DYNC1I1: variants seen among roughly 807,000 people sequenced by gnomAD.
The protein encoded by DYNC1I1 is cytoplasmic dynein 1 intermediate chain 1.
In DYNC1I1, 43 loss-of-function variants were observed where a neutral mutation model predicts 86.6. The ratio of observed to expected loss-of-function variants is 0.50; its 90% CI spans 0.39 to 0.64. The LOEUF (loss-of-function observed/expected upper bound fraction) is 0.64. Ranked by LOEUF, DYNC1I1 falls within the 30% of genes least tolerant of loss-of-function variation. The pLI is 0.00. For synonymous variants in DYNC1I1, 262 were observed against 283.7 expected (o/e 0.92, Z 0.77); for missense variants, 604 against 788.8 (o/e 0.77, Z 2.81).
intron 6 of DYNC1I1, among the ~76,000 whole-genome samples, chr7:95,939,285 T>C (rs1792135252): frequency 6.6e-6 from 1 of 152,170 alleles, no homozygotes; most frequent in Non-Finnish European, 1.5e-5. Context: ...TGATTTGGGG[T>C]GGAGAGTTCT....
intron 5 of DYNC1I1, among the ~76,000 whole-genome samples, chr7:95,833,378 T>A (rs1349480983): frequency 1.3e-5 from 2 of 150,416 alleles, no homozygotes; most frequent in Admixed American, 1.3e-4. Context: ...TGTAGCCTTG[T>A]AGTATAGTTT....
Position 95,984,834 on chromosome 7 carries a change from A to C in DYNC1I1, c.600A>C (p.Thr200=). 2 of 1,609,908 alleles carry C rather than the reference A, an allele frequency of 1.2e-6. No individual in the cohort carries two copies. The highest frequency in any genetic ancestry group is 1.7e-6 in the Non-Finnish European group (2 of 1,178,794). Residue 200 remains threonine (T), a synonymous_variant, in exon 8 of 17, where the codon ACA becomes ACC. Coordinates refer to ENST00000447467, the MANE Select transcript of DYNC1I1 (RefSeq NM_001135556.2). The stretch of plus-strand genomic sequence containing the variant: ...ATAAAGCCCCTCCAAGAGAGTTGAC[A>C]GAGGAAGAAAAACAGCAGATCCTTC... ...EVKEAPPREL[T]EEEKQQILHS...
intron 10 of DYNC1I1, among the ~76,000 whole-genome samples, chr7:96,000,902 C>T (rs574570862): frequency 1.2e-4 from 19 of 152,226 alleles, no homozygotes; most frequent in Non-Finnish European, 2.2e-4. Flanking sequence ...ATGGAGTATG[C>T]GAGGGACCAA....
intron 16 of DYNC1I1, among the ~76,000 whole-genome samples, chr7:96,081,215 AG>A (rs1371650361): frequency 6.6e-6 from 1 of 152,154 alleles, no homozygotes; most frequent in East Asian, 1.9e-4. Flanking sequence ...GTGATTAATT[AG>A]AATTTTGTGC....
At chr7:95,821,409 T>A (rs1795074352) in intron 4 of DYNC1I1, among the ~76,000 whole-genome samples, 1 of 151,858 alleles carries the variant, frequency 6.6e-6, no homozygotes, top group African/African-American at 2.4e-5. Context: ...TTGCCTGGGG[T>A]TAGAGTAGAA....
chr7:95,963,164 C>A (rs1201405661), intron 6 of DYNC1I1, among the ~76,000 whole-genome samples: 1 of 152,156 alleles, frequency 6.6e-6, no homozygotes, highest in Non-Finnish European at 1.5e-5. Flanking sequence ...CAAAATCCAA[C>A]TCGAATTGAA....
chr7:96,053,255 CAT>C (rs1789460641), intron 14 of DYNC1I1, among the ~76,000 whole-genome samples: 1 of 152,220 alleles, frequency 6.6e-6, no homozygotes, highest in African/African-American at 2.4e-5. Context: ...TGAATAATCA[CAT>C]GTGACTGGCA....
rs1483122130 is a variant in DYNC1I1 at position 95,913,665 on chromosome 7, G to C, written c.490+43667G>C. Among the ~76,000 whole-genome samples the C allele has an allele frequency of 2.0e-5, 3 of 152,122 alleles. No homozygotes were observed. The East Asian group carries it at 5.8e-4, about 29-fold the overall frequency. ...CCATTAAACCTCTTACCTAGTCTCA[G>C]GTATATCTTTATTAACAGCATGAGA... On this transcript the variant is annotated intron_variant, in intron 6 of 16. Transcript: ENST00000447467.
At chr7:95,785,745 ATGTG>A (rs1245524550) in intron 1 of DYNC1I1, among the ~76,000 whole-genome samples, 5 of 142,784 alleles carry the variant, frequency 3.5e-5, no homozygotes, top group Admixed American at 2.2e-4. Flanking sequence ...GTATATATAT[ATGTG>A]TGTATGTATA....
intron 6 of DYNC1I1, among the ~76,000 whole-genome samples, chr7:95,878,221 T>C (rs1790359561): frequency 6.6e-6 from 1 of 152,098 alleles, no homozygotes; most frequent in Non-Finnish European, 1.5e-5. Flanking sequence ...CAACAGAAAC[T>C]GCCTGTGAGG....
intron 14 of DYNC1I1, among the ~76,000 whole-genome samples, chr7:96,058,488 C>T (rs1415163001): frequency 1.3e-5 from 2 of 152,162 alleles, no homozygotes; most frequent in African/African-American, 4.8e-5. Flanking sequence ...TATACTTATT[C>T]ATTCAATACA....
intron 1 of DYNC1I1, among the ~76,000 whole-genome samples, chr7:95,787,714 G>A (rs981069625): frequency 3.3e-5 from 5 of 152,106 alleles, no homozygotes; most frequent in African/African-American, 9.7e-5. Context: ...GGAGGTTAAC[G>A]TCTAAAAGGA....
chr7:95,773,286 A>C (rs979082426), intron 1 of DYNC1I1, among the ~76,000 whole-genome samples: 2 of 152,236 alleles, frequency 1.3e-5, no homozygotes, highest in African/African-American at 4.8e-5. Context: ...CACTTCCAGC[A>C]GGGCATTAAT....
At chr7:96,041,183 A>G (rs1309799036) in intron 14 of DYNC1I1, among the ~76,000 whole-genome samples, 1 of 152,216 alleles carries the variant, frequency 6.6e-6, no homozygotes, top group Non-Finnish European at 1.5e-5. Context: ...TTAATGGAAA[A>G]AACCATGTTA....
At chr7:95,905,126 C>T (rs1025430870) in intron 6 of DYNC1I1, among the ~76,000 whole-genome samples, 2 of 152,160 alleles carry the variant, frequency 1.3e-5, no homozygotes, top group Admixed American at 1.3e-4. Context: ...ACTTACAATG[C>T]CTCCACTGTT....
At chr7:95,795,601 C>CT (rs1794415246) in intron 1 of DYNC1I1, among the ~76,000 whole-genome samples, 2 of 152,058 alleles carry the variant, frequency 1.3e-5, no homozygotes, top group South Asian at 4.2e-4. Context: ...ATGGATGGAG[C>CT]TGGAGGCCAT....
intron 16 of DYNC1I1, among the ~76,000 whole-genome samples, chr7:96,108,876 A>G (rs1304988769): frequency 6.6e-6 from 1 of 151,814 alleles, no homozygotes; most frequent in Non-Finnish European, 1.5e-5. Context: ...AAAAAAAAAA[A>G]AGATTTTTAA....
At chr7:96,014,380 G>C (rs1167135290) in intron 10 of DYNC1I1, among the ~76,000 whole-genome samples, 1 of 152,130 alleles carries the variant, frequency 6.6e-6, no homozygotes, top group Non-Finnish European at 1.5e-5. Flanking sequence ...GGTTCCAGCT[G>C]CTTTTTCGGA....
intron 10 of DYNC1I1, among the ~76,000 whole-genome samples, chr7:96,000,149 CA>C (rs1281727404): frequency 2.6e-5 from 4 of 152,048 alleles, no homozygotes; most frequent in Admixed American, 1.3e-4. Context: ...AAAAGAAAAA[CA>C]GATAAAAGAA....
Sources: gnomAD v4.1 joint callset for allele counts (sites outside exome capture counted in the v4.1 genomes callset) on GRCh38, gnomAD v4.1.1 for gene constraint, MANE v1.5 for transcripts, NCBI Gene and HGNC (gene_info 2026-07-23, HGNC 2026-07-21) for gene names.